MGLL: variants seen among roughly 807,000 people sequenced by gnomAD.
The protein encoded by MGLL is lysophospholipase homolog.
In MGLL, 7 loss-of-function variants were observed where a neutral mutation model predicts 29.1. The observed-to-expected ratio is 0.24, with a 90% CI of 0.14 to 0.45. The LOEUF is 0.45. MGLL is among the 20% of genes least tolerant of loss of function. The probability of loss-of-function intolerance (pLI) is 0.99; values close to 1 mark genes in which losing one functional copy is unlikely to be tolerated. For missense variants in MGLL, 356 were observed against 413.6 expected, an observed-to-expected ratio of 0.86 and a Z score of 1.21; for synonymous variants, 148 against 168.3, an observed-to-expected ratio of 0.88 and a Z score of 0.93.
rs1181012861 is a variant in MGLL at position 127,691,806 on chromosome 3, C to T, written c.*392G>A. On this transcript the variant is annotated 3_prime_UTR_variant, in exon 8 of 8. Coordinates refer to ENST00000265052, the MANE Select transcript of MGLL (RefSeq NM_007283.7). ...GTCAGAGAGGGCGCTGGGGCGTGAG[C>T]GAAGGGTGGGCAGGAAGGAGGCGCC... 5 of 281,436 alleles carry T rather than the reference C, an allele frequency of 1.8e-5. No homozygotes were observed. Among genetic ancestry groups the T allele is most frequent in the East Asian group, 2.1e-4 (2 of 9,404 alleles). 17.4% of individuals were successfully genotyped at this position (281,436 alleles called of 1,614,324 possible). A position where few individuals can be genotyped will look rare whatever the true frequency, so the allele number is the denominator to read the frequency against.
chr3:127,725,100 G>T (rs1381552205), intron 3 of MGLL, among the ~76,000 whole-genome samples: 1 of 151,826 alleles, frequency 6.6e-6, no homozygotes, highest in Non-Finnish European at 1.5e-5. Context: ...AGCCCTGGAG[G>T]CTCCGTGCGA....
At chr3:127,700,438 A>C (rs923360372) in intron 6 of MGLL, among the ~76,000 whole-genome samples, 2 of 151,976 alleles carry the variant, frequency 1.3e-5, no homozygotes, top group Admixed American at 6.5e-5. Context: ...CCAGACCCCC[A>C]CAGACTCTGC....
At chr3:127,710,001 C>T (rs560470377) in intron 6 of MGLL, among the ~76,000 whole-genome samples, 5 of 152,240 alleles carry the variant, frequency 3.3e-5, no homozygotes, top group African/African-American at 1.2e-4. Flanking sequence ...TACTACCCCC[C>T]TTTCCTGGAC....
intron 5 of MGLL, chr3:127,715,495 G>T (rs1253867791): frequency 5.7e-6 from 2 of 353,908 alleles, no homozygotes; most frequent in South Asian, 4.2e-5. Flanking sequence ...GAGCTGCCAT[G>T]CAGGGGCAGG....
At chr3:127,784,501 C>G (rs2107713105) in intron 2 of MGLL, among the ~76,000 whole-genome samples, 1 of 152,252 alleles carries the variant, frequency 6.6e-6, no homozygotes, top group African/African-American at 2.4e-5. Flanking sequence ...GCTGGGTAGA[C>G]CACGAGTTCT....
chr3:127,746,987 C>T (rs1184935594), intron 3 of MGLL, among the ~76,000 whole-genome samples: 4 of 152,262 alleles, frequency 2.6e-5, no homozygotes, highest in Non-Finnish European at 5.9e-5. Context: ...TGACTCAGCC[C>T]TGTTCTCGAT....
At chr3:127,708,646 T>A (rs1238137880) in intron 6 of MGLL, among the ~76,000 whole-genome samples, 2 of 152,254 alleles carry the variant, frequency 1.3e-5, no homozygotes, top group African/African-American at 4.8e-5. Context: ...CCTGGGTGCT[T>A]TGTCTTAAAG....
intron 3 of MGLL, among the ~76,000 whole-genome samples, chr3:127,767,204 T>C (rs1200926586): frequency 1.3e-5 from 2 of 152,174 alleles, no homozygotes; most frequent in Admixed American, 1.3e-4. Context: ...CATCTATGGG[T>C]GCCTGTCATG....
chr3:127,750,232 G>A (rs1008649132), intron 3 of MGLL, among the ~76,000 whole-genome samples: 6 of 152,114 alleles, frequency 3.9e-5, no homozygotes, highest in African/African-American at 1.2e-4. Flanking sequence ...TCAGGGCACC[G>A]TTTCTTCTGG....
At chr3:127,764,753 T>C (rs980367243) in intron 3 of MGLL, among the ~76,000 whole-genome samples, 2 of 152,232 alleles carry the variant, frequency 1.3e-5, no homozygotes, top group South Asian at 2.1e-4. Context: ...CTAGTTAGCA[T>C]GAAACTGTGA....
chr3:127,767,372 T>C (rs2076877088), intron 3 of MGLL, among the ~76,000 whole-genome samples: 2 of 152,204 alleles, frequency 1.3e-5, no homozygotes, highest in Non-Finnish European at 2.9e-5. Context: ...GTTCCAAAGA[T>C]TGTAAATAAT....
At chr3:127,810,526 C>T (rs773693169) in intron 2 of MGLL, among the ~76,000 whole-genome samples, 3 of 150,422 alleles carry the variant, frequency 2.0e-5, no homozygotes, top group Non-Finnish European at 3.0e-5. Flanking sequence ...AGTCACCAAA[C>T]GTCCCTCTGA....
At position 127,692,037 on chromosome 3, in the gene MGLL, T is replaced by TA. The variant is rs2075255356; in HGVS notation, c.*160dup. The TA allele has an allele frequency of 4.0e-6, 4 of 1,002,244 alleles. No individual in the cohort carries two copies. Among genetic ancestry groups the TA allele is most frequent in the Non-Finnish European group, 5.7e-6 (4 of 697,152 alleles). 62.1% of individuals were successfully genotyped at this position (1,002,244 alleles called of 1,614,324 possible). Reference sequence around the variant, plus strand: ...GTCCAGTGTCTGATAGTCTAATGTATAACAAAAATGTCTGTTATTTTTTAG... The same window carrying TA: ...GTCCAGTGTCTGATAGTCTAATGTATAAACAAAAATGTCTGTTATTTTTTAG... On this transcript the variant is annotated 3_prime_UTR_variant, in exon 8 of 8. Coordinates refer to ENST00000265052, the MANE Select transcript of MGLL (RefSeq NM_007283.7).
chr3:127,730,541 T>A (rs185634993), intron 3 of MGLL, among the ~76,000 whole-genome samples: 1 of 152,248 alleles, frequency 6.6e-6, no homozygotes, highest in East Asian at 1.9e-4. Context: ...ATCCATGGCA[T>A]CCACTGTAAT....
At position 127,729,529 on chromosome 3, in the gene MGLL, C is replaced by T. The variant is rs182827620; in HGVS notation, c.263-6963G>A. ...AAAAATTAACCATTTTAAAGTGTAC[C>T]GATTTAGTGGCATTTAGTATGTCCA... On this transcript the variant is annotated intron_variant, in intron 3 of 7. Coordinates refer to ENST00000265052, the MANE Select transcript of MGLL (RefSeq NM_007283.7). Among the ~76,000 whole-genome samples, 17 of 152,106 alleles carry T rather than the reference C, an allele frequency of 1.1e-4. No homozygotes were observed. In the East Asian group the frequency reaches 2.3e-3, roughly 21 times the overall value.
rs375495056 is a variant in MGLL, at chr3:127,802,480, C to T, written c.155+19214G>A. Reference sequence around the variant, plus strand: ...TACAGGTGCAGAAAATATGTCAGTGCCAGTGGGGTGAGATGGATAATCACC... The same window carrying T: ...TACAGGTGCAGAAAATATGTCAGTGTCAGTGGGGTGAGATGGATAATCACC... On this transcript the variant is annotated intron_variant, in intron 2 of 7. Coordinates refer to ENST00000265052, the MANE Select transcript of MGLL (RefSeq NM_007283.7). 2.4e-4 allele frequency among the ~76,000 whole-genome samples: 36 copies of T among 152,264 alleles called. 1 individual carries two copies. In the East Asian group the frequency reaches 3.3e-3, roughly 14 times the overall value.
At chr3:127,750,810 G>A (rs1233693369) in intron 3 of MGLL, among the ~76,000 whole-genome samples, 1 of 152,196 alleles carries the variant, frequency 6.6e-6, no homozygotes, top group East Asian at 1.9e-4. Flanking sequence ...AACTGCAACT[G>A]TACATATGCA....
At position 127,691,870 on chromosome 3, in the gene MGLL, A is replaced by C; in HGVS notation, c.*328T>G. On this transcript the variant is annotated 3_prime_UTR_variant, in exon 8 of 8. Coordinates refer to ENST00000265052, the MANE Select transcript of MGLL (RefSeq NM_007283.7). ...GTCTGGTGTCCTGGGAACACCAGGA[A>C]TTCCTGGAACCCTTGTGGGAGCTGG... The C allele has an allele frequency of 2.9e-6, 1 of 345,170 alleles. No homozygotes were observed. Among genetic ancestry groups the C allele is most frequent in the Non-Finnish European group, 5.4e-6 (1 of 183,658 alleles). 21.4% of individuals were successfully genotyped at this position (345,170 alleles called of 1,614,324 possible). A position where few individuals can be genotyped will look rare whatever the true frequency, so the allele number is the denominator to read the frequency against.
intron 2 of MGLL, among the ~76,000 whole-genome samples, chr3:127,785,692 A>G (rs189014780): frequency 2.0e-5 from 3 of 152,370 alleles, no homozygotes; most frequent in Admixed American, 1.3e-4. Flanking sequence ...GATGGCAACA[A>G]CAGTGGGTCC....
Sources: allele counts gnomAD v4.1 joint callset (sites outside exome capture counted in the v4.1 genomes callset), GRCh38; gene constraint gnomAD v4.1.1; transcripts MANE v1.5; gene names NCBI Gene and HGNC (gene_info 2026-07-23, HGNC 2026-07-21).